MFSD11: variants seen among roughly 807,000 people sequenced by gnomAD.
MFSD11 encodes the protein major facilitator superfamily domain containing 11, also known as UNC93-like protein MFSD11.
Under a neutral mutation model 53.5 loss-of-function variants are expected in MFSD11, and 36 were observed. The ratio of observed to expected loss-of-function variants is 0.67; its 90% CI spans 0.52 to 0.89. The LOEUF is 0.89. Among genes scored for constraint, MFSD11 ranks in the 40% least tolerant of loss-of-function variants. MFSD11 has a pLI of 0.00. For missense variants in MFSD11, 530 were observed against 543.9 expected (o/e 0.97, Z 0.25); for synonymous variants, 186 against 184.9 (o/e 1.01, Z -0.05).
chr17:76,801,344 C>A, the MFSD11 span, among the ~76,000 whole-genome samples: 1 of 107,200 alleles, frequency 9.3e-6, no homozygotes, highest in African/African-American at 3.7e-5. Context: ...TAGCCAGGGG[C>A]ACAGAGCAAG....
At chr17:76,754,420 C>T (rs1460656014) in intron 8 of MFSD11, among the ~76,000 whole-genome samples, 1 of 152,110 alleles carries the variant, frequency 6.6e-6, no homozygotes, top group Non-Finnish European at 1.5e-5. Flanking sequence ...CAGTGACTCG[C>T]GCCTGTAATC....
chr17:76,776,097 G>A lies in MFSD11; in HGVS notation c.1050-309G>A, dbSNP rs1412174032. On this transcript the variant is annotated intron_variant, in intron 11 of 12. Transcript: ENST00000685175. The surrounding 1 kb of genome is among the most constrained non-coding windows in gnomAD (Gnocchi z 4.2). ...GGGTTCAAGTGATTCTCGTGTCTCA[G>A]CCTCCCGAGTAGCTGGGATTACAGG... Among the ~76,000 whole-genome samples the A allele has an allele frequency of 6.6e-6, 1 of 152,126 alleles. No homozygotes were observed. The highest frequency in any genetic ancestry group is 2.4e-5 in the African/African-American group (1 of 41,426).
At chr17:76,737,310 C>A (rs542438039), upstream of MFSD11, 8 of 1,126,106 alleles carry the variant, frequency 7.1e-6, no homozygotes, top group African/African-American at 1.6e-5. Context: ...GCTCCGCAGG[C>A]TAGCGCACCT....
chr17:76,770,662 A>G, intron 10 of MFSD11, among the ~76,000 whole-genome samples: 1 of 152,206 alleles, frequency 6.6e-6, no homozygotes, highest in East Asian at 1.9e-4. Context: ...AGGTTCCCAT[A>G]GCCCTCTTCC....
Position 76,769,704 on chromosome 17 carries a change from G to A in MFSD11, c.749-42G>A, listed in dbSNP as rs760221423. 8.6e-6 allele frequency: 13 copies of A among 1,509,478 alleles called. No homozygotes were observed. The South Asian group carries it at 1.3e-4, about 16-fold the overall frequency. The allele number at this position is 1,509,478 out of a possible 1,614,324, so 93.5% of individuals were successfully genotyped here. A position where few individuals can be genotyped will look rare whatever the true frequency, so the allele number is the denominator to read the frequency against. ...ACTAGATGGGAAGATAAACAAAAAT[G>A]TGAATATATAAATGACATCTGTTTT... is the stretch of plus-strand genomic sequence containing the variant. On this transcript the variant is annotated intron_variant, in intron 9 of 12. Transcript: ENST00000685175.
chr17:76,759,992 G>A (rs1343998211), intron 8 of MFSD11, among the ~76,000 whole-genome samples: 1 of 151,634 alleles, frequency 6.6e-6, no homozygotes, highest in Non-Finnish European at 1.5e-5. Context: ...AGGAGACTGG[G>A]CCTGGTGGCT....
At chr17:76,754,513 TCTC>T (rs1443996068) in intron 8 of MFSD11, among the ~76,000 whole-genome samples, 2 of 151,918 alleles carry the variant, frequency 1.3e-5, no homozygotes, top group Non-Finnish European at 2.9e-5. Flanking sequence ...CGAAACCTCT[TCTC>T]TACTAAAAAT....
intron 8 of MFSD11, among the ~76,000 whole-genome samples, chr17:76,763,728 C>T (rs754819401): frequency 3.3e-5 from 5 of 151,856 alleles, no homozygotes; most frequent in Admixed American, 6.6e-5. Flanking sequence ...ATGTTTTCTC[C>T]CGTTCTATAG....
chr17:76,744,221 A>G, intron 6 of MFSD11, 101 bp from the exon 7 acceptor site: 2 of 1,130,062 alleles, frequency 1.8e-6, no homozygotes, highest in Non-Finnish European at 2.4e-6. Context: ...TAAAAATGTA[A>G]CGAGGAAGTG....
chr17:76,800,196 C>T, the MFSD11 span, among the ~76,000 whole-genome samples: 2 of 152,114 alleles, frequency 1.3e-5, no homozygotes, highest in African/African-American at 4.8e-5. Flanking sequence ...GTCAAGTGAT[C>T]CACCTGCCTC....
In MFSD11 at chr17:76,772,854, T is replaced by C. The variant is rs143285753; in HGVS notation, c.875-2143T>C. On this transcript the variant is annotated intron_variant, in intron 10 of 12. Transcript: ENST00000685175. ...TTTTGAGCTTTGTTCTTAGATGTAGTTCATTTAATTGAAAACAGCATACCT... is the reference window on the plus strand; with the variant it reads ...TTTTGAGCTTTGTTCTTAGATGTAGCTCATTTAATTGAAAACAGCATACCT... Among the ~76,000 whole-genome samples, 218 of 152,244 alleles carry C rather than the reference T, an allele frequency of 1.4e-3. 1 individual carries two copies. Among genetic ancestry groups the C allele is most frequent in the African/African-American group, 4.6e-3 (192 of 41,546 alleles).
intron 2 of MFSD11, among the ~76,000 whole-genome samples, chr17:76,739,590 A>G (rs1598461011): frequency 1.3e-5 from 2 of 152,214 alleles, no homozygotes; most frequent in South Asian, 4.1e-4. Flanking sequence ...TTGTTAATTG[A>G]CAAATGAAAA....
At chr17:76,787,129 ATTTCTT>A in the MFSD11 span, among the ~76,000 whole-genome samples, 1 of 139,514 alleles carries the variant, frequency 7.2e-6, no homozygotes, top group African/African-American at 2.7e-5. Context: ...GATGTGAGTG[ATTTCTT>A]TTTTTTTTTT....
intron 3 of MFSD11, among the ~76,000 whole-genome samples, chr17:76,741,724 G>A (rs1031310284): frequency 2.6e-5 from 4 of 152,182 alleles, no homozygotes; most frequent in Non-Finnish European, 5.9e-5. Context: ...GGAGGTGGAG[G>A]TTGCAGTGAG....
At chr17:76,755,085 C>T (rs996368747) in intron 8 of MFSD11, among the ~76,000 whole-genome samples, 4 of 151,856 alleles carry the variant, frequency 2.6e-5, no homozygotes, top group Admixed American at 6.6e-5. Flanking sequence ...GGTGTGGTGG[C>T]GGGCGCCTGT....
intron 10 of MFSD11, 79 bp downstream of exon 10, chr17:76,769,950 C>T (rs998271385): frequency 7.6e-7 from 1 of 1,322,730 alleles, no homozygotes; most frequent in Non-Finnish European, 1.0e-6. Context: ...TGTGCTTCAC[C>T]TTTGTCCTTG....
At chr17:76,755,636 G>A (rs1238103634) in intron 8 of MFSD11, among the ~76,000 whole-genome samples, 1 of 150,932 alleles carries the variant, frequency 6.6e-6, no homozygotes, top group Non-Finnish European at 1.5e-5. Flanking sequence ...AGGTCTATGA[G>A]CATGGGAGTC....
At chr17:76,769,909 A>G in intron 10 of MFSD11, 38 bp downstream of exon 10, 1 of 1,570,966 alleles carries the variant, frequency 6.4e-7, no homozygotes, top group Non-Finnish European at 8.6e-7. Context: ...TAAAAATATC[A>G]GTTTATTATA....
At chr17:76,744,105 C>T (rs543471615) in intron 6 of MFSD11, among the ~76,000 whole-genome samples, 1 of 152,150 alleles carries the variant, frequency 6.6e-6, no homozygotes, top group African/African-American at 2.4e-5. Flanking sequence ...GCGATTAAGC[C>T]CTTGTGCTGT....
Sources: gnomAD v4.1 joint callset for allele counts (sites outside exome capture counted in the v4.1 genomes callset) on GRCh38, gnomAD v4.1.1 for gene constraint, Gnocchi (gnomAD v3.1) non-coding constraint, MANE v1.5 for transcripts, NCBI Gene and HGNC (gene_info 2026-07-23, HGNC 2026-07-21) for gene names.